The following DMXL1 variants were observed in gnomAD, a reference collection of about 807,000 sequenced individuals.
DMXL1 encodes the protein Dmx like 1.
DMXL1 carries 99 observed loss-of-function variants against 319.2 expected under a neutral mutation model. The observed-to-expected ratio is 0.31, with a 90% CI of 0.26 to 0.37. The LOEUF (loss-of-function observed/expected upper bound fraction) is 0.37, where lower values mean the gene tolerates loss of function less well. Among genes scored for constraint, DMXL1 ranks in the 10% least tolerant of loss-of-function variants. The pLI is 1.00. For synonymous variants in DMXL1, 1,385 were observed against 1,235.2 expected (o/e 1.12, Z -2.54); for missense variants, 3,745 against 3,595.6 (o/e 1.04, Z -1.06).
intron 34 of DMXL1, 128 bp downstream of exon 34, chr5:119,207,024 T>C (rs1781865065): frequency 1.1e-5 from 6 of 565,122 alleles, no homozygotes; most frequent in Admixed American, 7.4e-5. Flanking sequence ...CAAATTATTC[T>C]CCTTTTATTT....
chr5:119,213,418 G>A (rs941723510), intron 34 of DMXL1, among the ~76,000 whole-genome samples: 1 of 152,086 alleles, frequency 6.6e-6, no homozygotes, highest in Non-Finnish European at 1.5e-5. Context: ...CTTGTCTTCA[G>A]TTCTTAATAA....
intron 4 of DMXL1, 127 bp from the exon 5 acceptor site, chr5:119,110,024 C>T (rs1195191636): frequency 1.3e-5 from 10 of 743,400 alleles, no homozygotes; most frequent in Admixed American, 6.8e-5. Context: ...CCTTCTCCTC[C>T]GTTCTTCAAA....
At chr5:119,142,540 AT>A in intron 13 of DMXL1, among the ~76,000 whole-genome samples, 1 of 148,116 alleles carries the variant, frequency 6.8e-6, no homozygotes, top group African/African-American at 2.5e-5. Flanking sequence ...AAAAAAAAAG[AT>A]GCTGATGAGG....
intron 7 of DMXL1, among the ~76,000 whole-genome samples, chr5:119,117,975 A>G (rs1222732908): frequency 1.3e-5 from 2 of 152,214 alleles, no homozygotes; most frequent in African/African-American, 4.8e-5. Flanking sequence ...CTACTACAAA[A>G]TATTGTGACT....
chr5:119,072,974 G>T (rs1357342231), intron 1 of DMXL1, among the ~76,000 whole-genome samples: 1 of 152,186 alleles, frequency 6.6e-6, no homozygotes, highest in Non-Finnish European at 1.5e-5. Flanking sequence ...GGTTTTCCTA[G>T]TGGGAAATTA....
chr5:119,189,793 C>A lies in DMXL1; in HGVS notation c.7221C>A (p.Thr2407=). Reference sequence around the variant, plus strand: ...CTTGCAGAGAATCTGCCCCACTGACCCCTTCCTCGGCACCAGTAAGCCAGG... The same window carrying A: ...CTTGCAGAGAATCTGCCCCACTGACACCTTCCTCGGCACCAGTAAGCCAGG... ...KMSCRESAPL[T]PSSAPVSQES... The change falls in exon 29 of 44, where the codon ACC becomes ACA. Residue 2407 remains threonine (T), a synonymous_variant. Coordinates refer to ENST00000539542, the MANE Select transcript of DMXL1 (RefSeq NM_001290321.3). 1 of 1,614,070 alleles carries A rather than the reference C, an allele frequency of 6.2e-7. No individual in the cohort carries two copies. The highest frequency in any genetic ancestry group is 8.5e-7 in the Non-Finnish European group (1 of 1,179,986).
intron 33 of DMXL1, among the ~76,000 whole-genome samples, chr5:119,205,647 T>C (rs1781611405): frequency 6.6e-6 from 1 of 152,120 alleles, no homozygotes. Flanking sequence ...TTTGTTGTTA[T>C]TGCTTTGTTG....
At chr5:119,155,928 G>A (rs1297922481) in intron 19 of DMXL1, among the ~76,000 whole-genome samples, 1 of 151,890 alleles carries the variant, frequency 6.6e-6, no homozygotes, top group Non-Finnish European at 1.5e-5. Context: ...TCCTGGTGAA[G>A]ATGCAGTGAA....
chr5:119,073,396 A>G lies in DMXL1; in HGVS notation c.87+1740A>G, dbSNP rs116176499. 9.5e-3 allele frequency among the ~76,000 whole-genome samples: 1,448 copies of G among 152,296 alleles called. 18 individuals carry two copies. Among genetic ancestry groups the G allele is most frequent in the South Asian group, 0.026 (127 of 4,822 alleles). ...TTTTCTAAGAAGGCATTCACAATCT[A>G]TGTAAGCAGTGGTGTGAACTTCAAA... On this transcript the variant is annotated intron_variant, in intron 1 of 43. Coordinates refer to ENST00000539542, the MANE Select transcript of DMXL1 (RefSeq NM_001290321.3).
chr5:119,185,953 T>C (rs1019902928), intron 28 of DMXL1, among the ~76,000 whole-genome samples: 1 of 152,264 alleles, frequency 6.6e-6, no homozygotes, highest in African/African-American at 2.4e-5. Context: ...TGTTTTATAC[T>C]TAGTGTTCAC....
At chr5:119,176,589 A>T (rs994194729) in intron 26 of DMXL1, among the ~76,000 whole-genome samples, 1 of 152,092 alleles carries the variant, frequency 6.6e-6, no homozygotes, top group Non-Finnish European at 1.5e-5. Flanking sequence ...GGGAAACTAC[A>T]AAGGCATCAA....
At chr5:119,186,628 T>C (rs1413757033) in intron 28 of DMXL1, among the ~76,000 whole-genome samples, 2 of 152,336 alleles carry the variant, frequency 1.3e-5, no homozygotes, top group Middle Eastern at 3.4e-3. Context: ...CAGCAATATA[T>C]GTGTGTGGTA....
intron 9 of DMXL1, among the ~76,000 whole-genome samples, chr5:119,123,185 C>T (rs1214649262): frequency 3.3e-5 from 5 of 151,922 alleles, no homozygotes; most frequent in East Asian, 1.9e-4. Context: ...CGCCTGCAAT[C>T]GCAGGCACTC....
chr5:119,162,534 A>G (rs757994219), intron 19 of DMXL1, among the ~76,000 whole-genome samples: 2 of 152,146 alleles, frequency 1.3e-5, no homozygotes, highest in Non-Finnish European at 2.9e-5. Context: ...AGGACTACCT[A>G]TGTCTCTTGA....
chr5:119,197,118 C>T (rs998148709), intron 31 of DMXL1, among the ~76,000 whole-genome samples: 18 of 152,126 alleles, frequency 1.2e-4, no homozygotes, highest in African/African-American at 4.3e-4. Context: ...TGCTGAGTTC[C>T]ATGGCAAGTA....
intron 25 of DMXL1, among the ~76,000 whole-genome samples, chr5:119,172,846 C>T (rs1469879899): frequency 6.6e-6 from 1 of 152,126 alleles, no homozygotes; most frequent in Non-Finnish European, 1.5e-5. Flanking sequence ...ATTTTACCCT[C>T]TTTAGTTACC....
At chr5:119,113,003 C>T (rs1356651211) in intron 5 of DMXL1, among the ~76,000 whole-genome samples, 2 of 151,986 alleles carry the variant, frequency 1.3e-5, no homozygotes, top group East Asian at 1.9e-4. Context: ...TTAAGGATAT[C>T]CTTAGGATTA....
chr5:119,200,126 T>C (rs570883866), intron 32 of DMXL1, among the ~76,000 whole-genome samples: 1 of 152,290 alleles, frequency 6.6e-6, no homozygotes, highest in Admixed American at 6.5e-5. Context: ...CCTTTTGGGG[T>C]CCTTGTCATA....
At chr5:119,179,355 A>C (rs1355333831) in intron 28 of DMXL1, among the ~76,000 whole-genome samples, 1 of 150,636 alleles carries the variant, frequency 6.6e-6, no homozygotes, top group Non-Finnish European at 1.5e-5. Flanking sequence ...AAGCTCAGCA[A>C]GGTTATTTAT....
Sources: gnomAD v4.1 joint callset for allele counts (sites outside exome capture counted in the v4.1 genomes callset) on GRCh38, gnomAD v4.1.1 for gene constraint, MANE v1.5 for transcripts, NCBI Gene and HGNC (gene_info 2026-07-23, HGNC 2026-07-21) for gene names.